The following PKHD1 variants were observed in gnomAD, a reference collection of about 807,000 sequenced individuals.
PKHD1 encodes the protein PKHD1 ciliary IPT domain containing fibrocystin/polyductin.
Under a neutral mutation model 412.0 loss-of-function variants are expected in PKHD1, and 291 were observed. That is an observed-to-expected ratio of 0.71 (90% CI 0.64 to 0.78). PKHD1 has a LOEUF of 0.78. PKHD1 is among the 30% of genes least tolerant of loss of function. The pLI, the probability that PKHD1 is intolerant of heterozygous loss-of-function variation, is 0.00. For synonymous variants in PKHD1, 1,777 were observed against 1,821.5 expected (o/e 0.98, Z 0.62); for missense variants, 4,825 against 4,950.7 (o/e 0.97, Z 0.76).
In PKHD1 at chr6:51,659,458, G is replaced by A. The variant is rs1222689408; in HGVS notation, c.10668C>T (p.Arg3556=). 1.9e-6 allele frequency: 3 copies of A among 1,613,580 alleles called. No individual in the cohort carries two copies. Among genetic ancestry groups the A allele is most frequent in the African/African-American group, 2.7e-5 (2 of 74,888 alleles). Residue 3556 remains arginine (R), a synonymous_variant, in exon 61 of 67, where the codon CGC becomes CGT. Coordinates refer to ENST00000371117, the MANE Select transcript of PKHD1 (RefSeq NM_138694.4). ...VLQGEEPIEI[R]SGVSIHLALT... Reference sequence around the variant, plus strand: ...GGGCCAAGTGAATGGAAACACCTGAGCGTATTTCAATGGGCTCCTCTCCTT... The same window carrying A: ...GGGCCAAGTGAATGGAAACACCTGAACGTATTTCAATGGGCTCCTCTCCTT...
chr6:51,924,116 C>G (rs555320058), intron 37 of PKHD1, among the ~76,000 whole-genome samples: 17 of 152,156 alleles, frequency 1.1e-4, no homozygotes, highest in Admixed American at 6.5e-5. Flanking sequence ...ATATAATACC[C>G]AATTCAATGA....
chr6:51,929,310 C>T (rs1327848046), intron 37 of PKHD1, among the ~76,000 whole-genome samples: 3 of 152,132 alleles, frequency 2.0e-5, no homozygotes, highest in Non-Finnish European at 2.9e-5. Flanking sequence ...GATCCATACA[C>T]CACAGCTAAA....
At chr6:52,057,726 T>G (rs978160791) in intron 16 of PKHD1, among the ~76,000 whole-genome samples, 1 of 152,180 alleles carries the variant, frequency 6.6e-6, no homozygotes, top group Non-Finnish European at 1.5e-5. Flanking sequence ...GCTTTTAATC[T>G]CTTAAATCAA....
intron 60 of PKHD1, among the ~76,000 whole-genome samples, chr6:51,683,665 C>A (rs1301458430): frequency 1.3e-5 from 2 of 151,954 alleles, no homozygotes; most frequent in African/African-American, 4.8e-5. Flanking sequence ...TCCATCACAT[C>A]AGATTTTGGT....
intron 41 of PKHD1, among the ~76,000 whole-genome samples, chr6:51,905,839 T>C (rs1205807584): frequency 6.6e-6 from 1 of 152,160 alleles, no homozygotes; most frequent in African/African-American, 2.4e-5. Flanking sequence ...GGAGCTTGAA[T>C]TCTATTAAGA....
chr6:52,017,677 G>A (rs904997482), intron 33 of PKHD1, 48 bp from the exon 34 acceptor site: 2 of 1,416,324 alleles, frequency 1.4e-6, no homozygotes, highest in Non-Finnish European at 2.0e-6. Flanking sequence ...GAGAACCTAA[G>A]GCCTCTAGTC....
At position 51,747,839 on chromosome 6, in the gene PKHD1, T is replaced by A. The variant is rs1008018928; in HGVS notation, c.9777A>T (p.Pro3259=). 1.5e-5 allele frequency: 25 copies of A among 1,613,912 alleles called. No homozygotes were observed. The highest frequency in any genetic ancestry group is 2.0e-5 in the Non-Finnish European group (24 of 1,179,834). Residue 3259 remains proline (P), a synonymous_variant, in exon 58 of 67, where the codon CCA becomes CCT. Coordinates refer to ENST00000371117, the MANE Select transcript of PKHD1 (RefSeq NM_138694.4). ...TSEPNQWPQE[P]WHKVRNDHSI... ...AATGATCATTCCTCACTTTGTGCCA[T>A]GGCTCCTGAGGCCACTGATTTGGTT... is the stretch of plus-strand genomic sequence containing the variant.
At chr6:51,797,736 G>A (rs1794824437) in intron 52 of PKHD1, among the ~76,000 whole-genome samples, 1 of 152,000 alleles carries the variant, frequency 6.6e-6, no homozygotes, top group African/African-American at 2.4e-5. Flanking sequence ...CACACTGATG[G>A]GTCTTGGTTC....
chr6:51,860,873 A>G (rs970119096), intron 48 of PKHD1, among the ~76,000 whole-genome samples: 2 of 152,010 alleles, frequency 1.3e-5, no homozygotes, highest in African/African-American at 4.8e-5. Flanking sequence ...GCACAGTGGC[A>G]TGATCTCGGC....
intron 52 of PKHD1, among the ~76,000 whole-genome samples, chr6:51,793,087 G>C (rs180722913): frequency 5.8e-4 from 88 of 152,268 alleles, no homozygotes; most frequent in Admixed American, 5.7e-3. Context: ...CAGATCTGTT[G>C]AGTTTAATCC....
chr6:51,895,769 C>A (rs1583243842), intron 43 of PKHD1, among the ~76,000 whole-genome samples: 3 of 152,068 alleles, frequency 2.0e-5, no homozygotes, highest in Non-Finnish European at 2.9e-5. Flanking sequence ...GTTCATCTCA[C>A]TAGGGAGTGC....
At chr6:51,628,784 G>T (rs1238057032) in intron 65 of PKHD1, among the ~76,000 whole-genome samples, 1 of 151,980 alleles carries the variant, frequency 6.6e-6, no homozygotes, top group Admixed American at 6.6e-5. Flanking sequence ...GGTGTGAGAT[G>T]GTATCTTATT....
chr6:51,761,619 T>C (rs937453470), intron 55 of PKHD1, among the ~76,000 whole-genome samples: 1 of 152,070 alleles, frequency 6.6e-6, no homozygotes, highest in Non-Finnish European at 1.5e-5. Flanking sequence ...GATAACTATA[T>C]GAGATAATAC....
At position 51,873,283 on chromosome 6, in the gene PKHD1, T is replaced by C. The variant is rs577659656; in HGVS notation, c.7351-2644A>G. Among the ~76,000 whole-genome samples, 7 of 152,354 alleles carry C rather than the reference T, an allele frequency of 4.6e-5. No homozygotes were observed. The East Asian group carries it at 1.2e-3, about 25-fold the overall frequency. ...ACCAGGTACAATAAGTTACATGCTT[T>C]ATGATTCCATTTAGACCAACTTAAA... On this transcript the variant is annotated intron_variant, in intron 46 of 66. Coordinates refer to ENST00000371117, the MANE Select transcript of PKHD1 (RefSeq NM_138694.4).
At chr6:52,013,326 A>T (rs1476206059) in intron 34 of PKHD1, among the ~76,000 whole-genome samples, 1 of 151,948 alleles carries the variant, frequency 6.6e-6, no homozygotes, top group African/African-American at 2.4e-5. Context: ...AGAGAATTAA[A>T]CCCCTTTCTG....
At chr6:51,738,126 C>A (rs993710103) in intron 60 of PKHD1, among the ~76,000 whole-genome samples, 11 of 152,160 alleles carry the variant, frequency 7.2e-5, no homozygotes, top group African/African-American at 2.4e-4. Flanking sequence ...TGGGCCAGCA[C>A]GCGTGGAGCA....
chr6:51,658,913 A>G lies in PKHD1; in HGVS notation c.11174+39T>C, dbSNP rs568346726. The stretch of plus-strand genomic sequence containing the variant: ...ACATATGTCAATATGGACCTAAAAA[A>G]TCAGCCCTCATTTGGATGTGAATAT... On this transcript the variant is annotated intron_variant, in intron 61 of 66. Coordinates refer to ENST00000371117, the MANE Select transcript of PKHD1 (RefSeq NM_138694.4). 5 of 1,374,678 alleles carry G rather than the reference A, an allele frequency of 3.6e-6. No individual in the cohort carries two copies. In the African/African-American group the frequency reaches 7.1e-5, roughly 20 times the overall value. 85.2% of individuals were successfully genotyped at this position (1,374,678 alleles called of 1,614,324 possible). A position where few individuals can be genotyped will look rare whatever the true frequency, so the allele number is the denominator to read the frequency against.
intron 35 of PKHD1, among the ~76,000 whole-genome samples, chr6:51,989,948 A>AAGGAAGGAAGGAAGG (rs1796796338): frequency 2.2e-5 from 1 of 46,326 alleles, no homozygotes; most frequent in African/African-American, 8.9e-5. Flanking sequence ...AGGAAGGAAG[A>AAGGAAGGAAGGAAGG]AAGGAAGGAA....
At chr6:51,719,092 C>A (rs1048277335) in intron 60 of PKHD1, among the ~76,000 whole-genome samples, 6 of 122,556 alleles carry the variant, frequency 4.9e-5, no homozygotes, top group Non-Finnish European at 9.7e-5. Flanking sequence ...CAAGAAACAG[C>A]CAATTTTAAG....
Sources: allele counts gnomAD v4.1 joint callset (sites outside exome capture counted in the v4.1 genomes callset), GRCh38; gene constraint gnomAD v4.1.1; transcripts MANE v1.5; gene names NCBI Gene and HGNC (gene_info 2026-07-23, HGNC 2026-07-21).